GRM8: variants seen among roughly 807,000 people sequenced by gnomAD.
The protein encoded by GRM8 is glutamate metabotropic receptor 8.
GRM8 carries 47 observed loss-of-function variants against 87.2 expected under a neutral mutation model. That is an observed-to-expected ratio of 0.54 (90% confidence interval 0.43 to 0.69). The LOEUF (loss-of-function observed/expected upper bound fraction) is 0.69. GRM8 is among the 30% of genes least tolerant of loss of function. The probability of loss-of-function intolerance (pLI) is 0.00; values close to 1 mark genes in which losing one functional copy is unlikely to be tolerated. For missense variants in GRM8, 1,019 were observed against 1,139.2 expected, an observed-to-expected ratio of 0.89 and a Z score of 1.52; for synonymous variants, 396 against 404.5, an observed-to-expected ratio of 0.98 and a Z score of 0.25.
intron 3 of GRM8, among the ~76,000 whole-genome samples, chr7:126,978,874 G>C (rs1438850901): frequency 6.6e-6 from 1 of 152,116 alleles, no homozygotes; most frequent in Non-Finnish European, 1.5e-5. Context: ...TTTCTTGCTT[G>C]TTTGCTCGTT....
rs371728167 is a variant in GRM8, at chr7:126,505,920, A to G, written c.2430+27032T>C. Among the ~76,000 whole-genome samples the G allele has an allele frequency of 5.3e-5, 8 of 152,126 alleles. No homozygotes were observed. In the East Asian group the frequency reaches 1.2e-3, roughly 22 times the overall value. ...ATAGGTGTTGCTAACTATATTCACCATGCTGTACATTAGGGGTCAAGAACT... is the reference window on the plus strand; with the variant it reads ...ATAGGTGTTGCTAACTATATTCACCGTGCTGTACATTAGGGGTCAAGAACT... On this transcript the variant is annotated intron_variant, in intron 9 of 10. Transcript: ENST00000339582.
rs1244425504 is a variant in GRM8, at chr7:126,446,285, T to G, written c.2518A>C (p.Ile840Leu). 3 of 1,611,822 alleles carry G rather than the reference T, an allele frequency of 1.9e-6. No individual in the cohort carries two copies. The highest frequency in any genetic ancestry group is 2.5e-6 in the Non-Finnish European group (3 of 1,178,604). ...LGMLYMPKVY[I>L]IIFHPEQNVQ... ...TTCTGTTCTGGATGAAAAATTATAA[T>G]ATAAACCTTGGGCATATAGAGCATG... The change falls in exon 10 of 11, where the codon ATT (isoleucine) becomes CTT (leucine). Residue 840 changes from isoleucine (I) to leucine (L), a missense_variant. Transcript: ENST00000339582.
chr7:126,824,969 A>G (rs1794626942), intron 6 of GRM8, among the ~76,000 whole-genome samples: 1 of 152,262 alleles, frequency 6.6e-6, no homozygotes. Context: ...TCCTCAGGAT[A>G]GTAGTTTGAA....
intron 3 of GRM8, among the ~76,000 whole-genome samples, chr7:127,002,131 G>A (rs1813790705): frequency 6.6e-6 from 1 of 151,516 alleles, no homozygotes; most frequent in Non-Finnish European, 1.5e-5. Flanking sequence ...TTACATAAGT[G>A]TATACATTTG....
intron 7 of GRM8, among the ~76,000 whole-genome samples, chr7:126,724,104 G>C (rs10240139): frequency 6.6e-6 from 1 of 151,928 alleles, no homozygotes; most frequent in Non-Finnish European, 1.5e-5. Flanking sequence ...TGATTCACTT[G>C]AGTCCTCCTC....
At chr7:126,523,688 C>A (rs771398837) in intron 9 of GRM8, among the ~76,000 whole-genome samples, 1 of 151,874 alleles carries the variant, frequency 6.6e-6, no homozygotes, top group African/African-American at 2.4e-5. Context: ...AGTGGAGATG[C>A]GGTATCGCCA....
intron 3 of GRM8, among the ~76,000 whole-genome samples, chr7:127,006,744 G>T (rs1480724864): frequency 1.3e-5 from 2 of 151,836 alleles, no homozygotes; most frequent in Non-Finnish European, 2.9e-5. Flanking sequence ...ATATTCTCCA[G>T]AGTTCAGTCC....
intron 2 of GRM8, among the ~76,000 whole-genome samples, chr7:127,115,217 G>A (rs1011141116): frequency 3.0e-4 from 45 of 152,128 alleles, no homozygotes; most frequent in African/African-American, 9.7e-4. Context: ...AACCTTCCAC[G>A]GCAGCCAGCA....
At chr7:127,052,827 T>C (rs549178013) in intron 3 of GRM8, among the ~76,000 whole-genome samples, 1 of 152,300 alleles carries the variant, frequency 6.6e-6, no homozygotes, top group South Asian at 2.1e-4. Flanking sequence ...ACGACTTACA[T>C]AGGCAATTCC....
chr7:126,568,006 T>C (rs1397614178), intron 8 of GRM8, among the ~76,000 whole-genome samples: 1 of 152,142 alleles, frequency 6.6e-6, no homozygotes, highest in Non-Finnish European at 1.5e-5. Flanking sequence ...CACTCAACTC[T>C]TCTACAGGAC....
intron 2 of GRM8, among the ~76,000 whole-genome samples, chr7:127,165,215 A>C (rs1793381468): frequency 7.5e-6 from 1 of 133,190 alleles, no homozygotes; most frequent in Non-Finnish European, 1.6e-5. Flanking sequence ...CTAGTGCTAA[A>C]TGCTATGGCA....
intron 8 of GRM8, among the ~76,000 whole-genome samples, chr7:126,587,086 T>TC (rs1450832894): frequency 6.6e-6 from 1 of 152,198 alleles, no homozygotes; most frequent in Non-Finnish European, 1.5e-5. Context: ...ATGCTCATCA[T>TC]CACTGGTCAT....
chr7:126,762,231 T>C (rs770350690), intron 7 of GRM8, among the ~76,000 whole-genome samples: 1 of 152,096 alleles, frequency 6.6e-6, no homozygotes, highest in African/African-American at 2.4e-5. Context: ...AGAACACTGA[T>C]AGGCATCTAT....
chr7:126,931,717 A>G (rs1047127970), intron 3 of GRM8, among the ~76,000 whole-genome samples: 2 of 152,202 alleles, frequency 1.3e-5, no homozygotes, highest in African/African-American at 4.8e-5. Context: ...AGAAAAACAC[A>G]GTCTCCTGCA....
chr7:126,878,882 G>A (rs1399080146), intron 6 of GRM8, among the ~76,000 whole-genome samples: 1 of 151,758 alleles, frequency 6.6e-6, no homozygotes, highest in Non-Finnish European at 1.5e-5. Context: ...ACATGATGAG[G>A]CCGGGCACGG....
chr7:127,035,655 G>A (rs1005080681), intron 3 of GRM8, among the ~76,000 whole-genome samples: 2 of 152,186 alleles, frequency 1.3e-5, no homozygotes. Context: ...TCCACATAGT[G>A]TGAGAAATCA....
intron 3 of GRM8, among the ~76,000 whole-genome samples, chr7:126,933,229 T>C (rs1805946298): frequency 6.6e-6 from 1 of 152,150 alleles, no homozygotes; most frequent in South Asian, 2.1e-4. Context: ...CAGAAAATAT[T>C]TTTAAAGGGA....
At chr7:126,627,450 A>AT (rs1308354079) in intron 7 of GRM8, among the ~76,000 whole-genome samples, 2 of 152,114 alleles carry the variant, frequency 1.3e-5, no homozygotes, top group African/African-American at 4.8e-5. Context: ...TGATCTCTAG[A>AT]TTTTTTATTT....
chr7:127,051,738 GC>G (rs1204993413), intron 3 of GRM8, among the ~76,000 whole-genome samples: 701 of 13,040 alleles, frequency 0.054, 57 homozygotes, highest in Middle Eastern at 0.14. Context: ...ATAATGTTGA[GC>G]AAAAAAAAAA....
Sources: allele counts gnomAD v4.1 joint callset (sites outside exome capture counted in the v4.1 genomes callset), GRCh38; gene constraint gnomAD v4.1.1; transcripts MANE v1.5; gene names NCBI Gene and HGNC (gene_info 2026-07-23, HGNC 2026-07-21).